CSMD1: variants seen among roughly 807,000 people sequenced by gnomAD.
The protein encoded by CSMD1 is CUB and sushi domain-containing protein 1.
A neutral mutation model predicts 417.5 loss-of-function variants in CSMD1; 213 were observed. The observed-to-expected ratio is 0.51, with a 90% CI of 0.46 to 0.57. The LOEUF is 0.57. CSMD1 is among the 20% of genes least tolerant of loss of function. The pLI, the probability that CSMD1 is intolerant of heterozygous loss-of-function variation, is 0.00. For synonymous variants in CSMD1, 2,862 were observed against 1,736.8 expected (o/e 1.65, Z -16.11); for missense variants, 6,923 against 4,529.7 (o/e 1.53, Z -15.17).
intron 5 of CSMD1, among the ~76,000 whole-genome samples, chr8:3,971,977 G>C (rs530936829): frequency 2.5e-4 from 38 of 151,998 alleles, no homozygotes; most frequent in Admixed American, 4.6e-4. Flanking sequence ...GGTGATCCTG[G>C]CTCACTGCAG....
intron 7 of CSMD1, among the ~76,000 whole-genome samples, chr8:3,702,587 T>G (rs1423339080): frequency 6.6e-6 from 1 of 152,168 alleles, no homozygotes; most frequent in Non-Finnish European, 1.5e-5. Context: ...TCCCAGCACT[T>G]TGGGAGGCCG....
rs563188915 is a variant in CSMD1 at position 3,531,832 on chromosome 8, G to C, written c.1345-38106C>G. ...ACAGGGGGATGCCAGCAGTTGCACA[G>C]AGAGAAACGGCTACGTGGGGCCAGG... is the stretch of plus-strand genomic sequence containing the variant. On this transcript the variant is annotated intron_variant, in intron 10 of 69. Transcript: ENST00000635120. 4.4e-4 allele frequency among the ~76,000 whole-genome samples: 67 copies of C among 152,312 alleles called. 1 individual carries two copies. In the South Asian group the frequency reaches 8.5e-3, roughly 19 times the overall value.
chr8:4,409,300 T>A (rs576461717), intron 3 of CSMD1, among the ~76,000 whole-genome samples: 1 of 152,298 alleles, frequency 6.6e-6, no homozygotes, highest in East Asian at 1.9e-4. Context: ...TAAGTCAATA[T>A]ATGTGTTTTT....
At chr8:4,777,898 A>G (rs1796948628) in intron 1 of CSMD1, among the ~76,000 whole-genome samples, 1 of 152,162 alleles carries the variant, frequency 6.6e-6, no homozygotes, top group South Asian at 2.1e-4. Flanking sequence ...CAAATAAACT[A>G]CCTATCCCAC....
chr8:4,282,477 T>C (rs976662115), intron 3 of CSMD1, among the ~76,000 whole-genome samples: 2 of 152,214 alleles, frequency 1.3e-5, no homozygotes, highest in Non-Finnish European at 2.9e-5. Flanking sequence ...TTTTGCTTAT[T>C]TAATTTAGTA....
chr8:4,398,305 A>G (rs1804396508), intron 3 of CSMD1, among the ~76,000 whole-genome samples: 1 of 150,728 alleles, frequency 6.6e-6, no homozygotes, highest in South Asian at 2.1e-4. Flanking sequence ...CTCTACTCTT[A>G]GTATGAGTTT....
intron 2 of CSMD1, among the ~76,000 whole-genome samples, chr8:4,500,988 G>A (rs980202924): frequency 2.6e-5 from 4 of 152,066 alleles, no homozygotes; most frequent in Non-Finnish European, 4.4e-5. Context: ...AGAGGTTGAT[G>A]ATGTCCAAAT....
intron 3 of CSMD1, among the ~76,000 whole-genome samples, chr8:4,369,273 C>A (rs187894096): frequency 2.6e-5 from 4 of 151,946 alleles, no homozygotes; most frequent in Non-Finnish European, 4.4e-5. Flanking sequence ...CTTTCTGATA[C>A]GACTTCATTT....
chr8:4,986,076 A>G (rs1373491266), intron 1 of CSMD1, among the ~76,000 whole-genome samples: 9 of 152,140 alleles, frequency 5.9e-5, no homozygotes, highest in Admixed American at 5.2e-4. Flanking sequence ...TTTCCTACCA[A>G]ATAAAAGGGA....
chr8:4,062,865 G>A lies in CSMD1; in HGVS notation c.416-30766C>T, dbSNP rs1364876298. 2.6e-5 allele frequency among the ~76,000 whole-genome samples: 4 copies of A among 151,390 alleles called. No homozygotes were observed. The East Asian group carries it at 7.7e-4, about 29-fold the overall frequency. On this transcript the variant is annotated intron_variant, in intron 3 of 69. Transcript: ENST00000635120. ...ACCCTACCAGCCAAGAGAAATGAAA[G>A]CCTGTACGTAATACTGAAGAGTAAA...
At chr8:3,107,234 A>G (rs1480525401) in intron 45 of CSMD1, 1 of 156,524 alleles carries the variant, frequency 6.4e-6, no homozygotes, top group Non-Finnish European at 1.4e-5. Context: ...ATTAATGTAA[A>G]AAGATACAGC....
chr8:3,027,512 A>T (rs879853395), intron 51 of CSMD1, among the ~76,000 whole-genome samples: 22 of 152,366 alleles, frequency 1.4e-4, no homozygotes, highest in Middle Eastern at 3.4e-3. Flanking sequence ...TCATTTTTTT[A>T]AAAGTCAACA....
intron 5 of CSMD1, among the ~76,000 whole-genome samples, chr8:3,870,623 C>A (rs969200430): frequency 2.6e-5 from 4 of 152,148 alleles, no homozygotes; most frequent in Non-Finnish European, 5.9e-5. Flanking sequence ...GTTTATGAAT[C>A]TTACAGGTGA....
rs889013120 is a variant in CSMD1 at position 4,239,207 on chromosome 8, G to C, written c.415+180746C>G. ...CTTCTTACATTAGAGATACAGTTGA[G>C]TCTCACGTTTCACATCCTGCCAAAC... On this transcript the variant is annotated intron_variant, in intron 3 of 69. Transcript: ENST00000635120. Among the ~76,000 whole-genome samples, 6 of 152,310 alleles carry C rather than the reference G, an allele frequency of 3.9e-5. No individual in the cohort carries two copies. In the East Asian group the frequency reaches 7.7e-4, roughly 20 times the overall value.
chr8:3,187,758 G>T, intron 36 of CSMD1, 111 bp downstream of exon 36: 1 of 761,190 alleles, frequency 1.3e-6, no homozygotes, highest in Non-Finnish European at 2.2e-6. Context: ...TATGGAGATA[G>T]AAGAATTGTG....
chr8:3,533,755 A>G (rs1438358048), intron 10 of CSMD1, among the ~76,000 whole-genome samples: 1 of 152,170 alleles, frequency 6.6e-6, no homozygotes, highest in Non-Finnish European at 1.5e-5. Context: ...TGCTTGAGGC[A>G]TCTCTTTTAC....
At chr8:4,522,771 G>A (rs1803538236) in intron 2 of CSMD1, among the ~76,000 whole-genome samples, 1 of 152,132 alleles carries the variant, frequency 6.6e-6, no homozygotes, top group Admixed American at 6.5e-5. Flanking sequence ...TCATGAAGGA[G>A]TCCTGGTAGC....
At chr8:4,029,014 C>T (rs1039875417) in intron 4 of CSMD1, among the ~76,000 whole-genome samples, 2 of 152,128 alleles carry the variant, frequency 1.3e-5, no homozygotes, top group African/African-American at 4.8e-5. Context: ...GACAACGGCA[C>T]TTGGGAGAGG....
chr8:4,987,481 G>T (rs7013059), intron 1 of CSMD1, among the ~76,000 whole-genome samples: 1 of 152,116 alleles, frequency 6.6e-6, no homozygotes, highest in African/African-American at 2.4e-5. Flanking sequence ...CAGACAAAAA[G>T]TTGTAGTTAT....
Sources: gnomAD v4.1 joint callset for allele counts (sites outside exome capture counted in the v4.1 genomes callset) on GRCh38, gnomAD v4.1.1 for gene constraint, MANE v1.5 for transcripts, NCBI Gene and HGNC (gene_info 2026-07-23, HGNC 2026-07-21) for gene names.